N4BP2L2: variants seen among roughly 807,000 people sequenced by gnomAD.
N4BP2L2 encodes NEDD4-binding protein 2-like 2.
In N4BP2L2, 50 loss-of-function variants were observed where a neutral mutation model predicts 56.2. That is an observed-to-expected ratio of 0.89 (90% CI 0.71 to 1.13). The LOEUF (loss-of-function observed/expected upper bound fraction) is 1.13. N4BP2L2 is among the 50% of genes most tolerant of loss of function. N4BP2L2 has a pLI of 0.00. For missense variants in N4BP2L2, 689 were observed against 693.8 expected, an observed-to-expected ratio of 0.99 and a Z score of 0.08; for synonymous variants, 203 against 223.6, an observed-to-expected ratio of 0.91 and a Z score of 0.82.
intron 6 of N4BP2L2, among the ~76,000 whole-genome samples, chr13:32,489,906 A>G (rs1043795754): frequency 6.6e-6 from 1 of 152,206 alleles, no homozygotes; most frequent in African/African-American, 2.4e-5. Flanking sequence ...TATAATAAAC[A>G]CTAAAAAAGA....
chr13:32,448,409 G>A (rs2077360988), intron 6 of N4BP2L2, among the ~76,000 whole-genome samples: 1 of 152,140 alleles, frequency 6.6e-6, no homozygotes, highest in Non-Finnish European at 1.5e-5. Context: ...GTTAGTCATG[G>A]AGAGGAAATC....
chr13:32,445,248 C>CTGAA (rs1292837750), intron 6 of N4BP2L2, among the ~76,000 whole-genome samples: 1 of 145,100 alleles, frequency 6.9e-6, no homozygotes, highest in Non-Finnish European at 1.5e-5. Flanking sequence ...AAGACTCCAA[C>CTGAA]TGAATAAATA....
At chr13:32,479,517 G>A (rs778397256) in intron 6 of N4BP2L2, among the ~76,000 whole-genome samples, 6 of 151,652 alleles carry the variant, frequency 4.0e-5, no homozygotes, top group Middle Eastern at 3.4e-3. Context: ...TCCTGACCTC[G>A]TGATCCGCCT....
chr13:32,488,654 G>T (rs1471660248), intron 6 of N4BP2L2, among the ~76,000 whole-genome samples: 1 of 152,132 alleles, frequency 6.6e-6, no homozygotes, highest in Non-Finnish European at 1.5e-5. Flanking sequence ...AAACATATGT[G>T]CATATACATG....
exon 6 of N4BP2L2, chr13:32,517,227 G>A: frequency 1.0e-6 from 1 of 985,738 alleles, no homozygotes; most frequent in Non-Finnish European, 1.2e-6. Flanking sequence ...AACTCCCCAG[G>A]TGACTGATAT....
chr13:32,469,795 C>A (rs921299193), intron 6 of N4BP2L2, among the ~76,000 whole-genome samples: 8 of 152,192 alleles, frequency 5.3e-5, no homozygotes, highest in African/African-American at 1.9e-4. Context: ...AGACTTGGTG[C>A]AACTCAATTG....
At chr13:32,502,329 A>G (rs1045565249) in intron 6 of N4BP2L2, among the ~76,000 whole-genome samples, 3 of 152,034 alleles carry the variant, frequency 2.0e-5, no homozygotes, top group Non-Finnish European at 4.4e-5. Context: ...CACCCTCCTC[A>G]ACCTCCCAAA....
chr13:32,486,843 C>CA (rs2085989565), intron 6 of N4BP2L2, among the ~76,000 whole-genome samples: 1 of 151,616 alleles, frequency 6.6e-6, no homozygotes, highest in African/African-American at 2.4e-5. Flanking sequence ...ACTAAAAATA[C>CA]AAAAAATTAG....
At chr13:32,476,182 A>C (rs1268816792) in intron 6 of N4BP2L2, among the ~76,000 whole-genome samples, 1 of 152,196 alleles carries the variant, frequency 6.6e-6, no homozygotes, top group African/African-American at 2.4e-5. Flanking sequence ...GGGTCAGCTG[A>C]CCTCAGCCGC....
chr13:32,524,652 C>T (rs1016883323), intron 3 of N4BP2L2: 7 of 152,252 alleles, frequency 4.6e-5, no homozygotes, highest in African/African-American at 1.7e-4. Context: ...TATTCAAGTT[C>T]ATATTTATTA....
chr13:32,515,627 T>C (rs1382978113), exon 6 of N4BP2L2: 2 of 152,278 alleles, frequency 1.3e-5, no homozygotes, highest in East Asian at 1.9e-4. Context: ...AAGTCTATAA[T>C]AAAATCTGGA....
chr13:32,519,474 G>A (rs1594033011), intron 5 of N4BP2L2, among the ~76,000 whole-genome samples: 1 of 152,144 alleles, frequency 6.6e-6, no homozygotes, highest in East Asian at 1.9e-4. Flanking sequence ...TAACCAACAT[G>A]GTGAAACTCC....
chr13:32,498,017 CCTCT>C (rs2089156845), intron 6 of N4BP2L2, among the ~76,000 whole-genome samples: 1 of 152,042 alleles, frequency 6.6e-6, no homozygotes, highest in South Asian at 2.1e-4. Flanking sequence ...AGAGAGTCTC[CCTCT>C]GTCACCTGGG....
intron 6 of N4BP2L2, among the ~76,000 whole-genome samples, chr13:32,462,115 C>A (rs775141719): frequency 6.4e-4 from 97 of 152,256 alleles, no homozygotes; most frequent in Middle Eastern, 6.8e-3. Flanking sequence ...GAAAGGAAAT[C>A]ATTATATCAA....
At chr13:32,476,034 A>C (rs763800740) in intron 6 of N4BP2L2, among the ~76,000 whole-genome samples, 6 of 152,228 alleles carry the variant, frequency 3.9e-5, no homozygotes, top group African/African-American at 2.4e-5. Flanking sequence ...TTACATTTCC[A>C]GGAATGTAGT....
chr13:32,523,242 T>G (rs1306687928), intron 3 of N4BP2L2: 3 of 151,784 alleles, frequency 2.0e-5, no homozygotes, highest in African/African-American at 7.3e-5. Flanking sequence ...AATAAAAAAA[T>G]TAGCCAGGTG....
At chr13:32,520,246 TG>T (rs1251275800) in intron 5 of N4BP2L2, among the ~76,000 whole-genome samples, 1 of 151,974 alleles carries the variant, frequency 6.6e-6, no homozygotes, top group Non-Finnish European at 1.5e-5. Flanking sequence ...AGAAAAACAC[TG>T]AATTGTATGC....
chr13:32,438,395 G>A (rs2075765079), intron 8 of N4BP2L2, among the ~76,000 whole-genome samples: 1 of 152,154 alleles, frequency 6.6e-6, no homozygotes, highest in Non-Finnish European at 1.5e-5. Context: ...TAATCTCATA[G>A]AAGTAGAGAA....
chr13:32,510,933 C>G (rs1363557046), exon 6 of N4BP2L2: 1 of 151,432 alleles, frequency 6.6e-6, no homozygotes, highest in African/African-American at 2.4e-5. Flanking sequence ...GGAATCAACT[C>G]TTCACTGGAA....
Sources: allele counts gnomAD v4.1 joint callset (sites outside exome capture counted in the v4.1 genomes callset), GRCh38; gene constraint gnomAD v4.1.1; transcripts MANE v1.5; gene names NCBI Gene and HGNC (gene_info 2026-07-23, HGNC 2026-07-21).